Variants in ARAP2 observed in about 807,000 individuals in gnomAD.
The protein encoded by ARAP2 is ArfGAP with RhoGAP domain, ankyrin repeat and PH domain 2.
A neutral mutation model predicts 194.5 loss-of-function variants in ARAP2; 148 were observed. The ratio of observed to expected loss-of-function variants is 0.76; its 90% CI spans 0.67 to 0.87. The LOEUF (loss-of-function observed/expected upper bound fraction) is 0.87, where lower values mean the gene tolerates loss of function less well. Ranked by LOEUF, ARAP2 falls within the 40% of genes least tolerant of loss-of-function variation. ARAP2 has a pLI of 0.00. For missense variants in ARAP2, 2,128 were observed against 1,989.7 expected (o/e 1.07, Z -1.32); for synonymous variants, 695 against 683.5 (o/e 1.02, Z -0.26).
At chr4:36,016,967 A>G (rs1231673896) in intron 6 of ARAP2, among the ~76,000 whole-genome samples, 1 of 152,124 alleles carries the variant, frequency 6.6e-6, no homozygotes, top group Non-Finnish European at 1.5e-5. Flanking sequence ...ACAAGGCCAC[A>G]TTCATTCTGC....
At chr4:36,065,469 T>C (rs185343841), downstream of ARAP2, 347 of 355,314 alleles carry the variant, frequency 9.8e-4, no homozygotes, top group Non-Finnish European at 1.4e-3. Context: ...TGGCCTTTGA[T>C]GGGCTGGCTG....
At chr4:36,094,193 T>C (rs912944499) in intron 27 of ARAP2, among the ~76,000 whole-genome samples, 3 of 152,180 alleles carry the variant, frequency 2.0e-5, no homozygotes, top group Admixed American at 2.0e-4. Flanking sequence ...CATTTTTAAA[T>C]GGTTGAAAAA....
At chr4:36,181,624 C>T (rs1739277958) in intron 8 of ARAP2, among the ~76,000 whole-genome samples, 1 of 152,178 alleles carries the variant, frequency 6.6e-6, no homozygotes, top group Non-Finnish European at 1.5e-5. Flanking sequence ...AATTCCTGAT[C>T]AATATCAGAG....
At chr4:36,088,559 A>T (rs996168643) in intron 28 of ARAP2, among the ~76,000 whole-genome samples, 5 of 152,136 alleles carry the variant, frequency 3.3e-5, no homozygotes, top group African/African-American at 9.7e-5. Context: ...CAAATGCAGT[A>T]TATAATATGA....
At chr4:36,143,175 T>C (rs1446573522) in intron 19 of ARAP2, among the ~76,000 whole-genome samples, 1 of 151,810 alleles carries the variant, frequency 6.6e-6, no homozygotes, top group Non-Finnish European at 1.5e-5. Flanking sequence ...TCAGGGTTCA[T>C]AACCTCACAT....
intron 6 of ARAP2, among the ~76,000 whole-genome samples, chr4:36,200,550 C>T (rs896144256): frequency 1.3e-5 from 2 of 152,204 alleles, no homozygotes; most frequent in Middle Eastern, 3.4e-3. Context: ...CCACCGTGCC[C>T]GGCCTCCTCT....
At chr4:36,179,833 G>A (rs1291475678) in intron 8 of ARAP2, among the ~76,000 whole-genome samples, 1 of 152,296 alleles carries the variant, frequency 6.6e-6, no homozygotes, top group East Asian at 1.9e-4. Context: ...ATTTCATAAT[G>A]AGTCTTTTTC....
intron 6 of ARAP2, among the ~76,000 whole-genome samples, chr4:36,018,259 T>C (rs576809141): frequency 3.2e-4 from 49 of 152,250 alleles, no homozygotes; most frequent in African/African-American, 1.2e-3. Context: ...AGAGTTGGAA[T>C]GGTCTACGCT....
intron 13 of ARAP2, chr4:36,160,077 C>T (rs1454946124): frequency 1.2e-5 from 12 of 988,118 alleles, no homozygotes; most frequent in Non-Finnish European, 1.3e-5. Context: ...TTTGTACAAA[C>T]AATAGGAACT....
intron 1 of ARAP2, among the ~76,000 whole-genome samples, chr4:36,059,345 A>G (rs978429733): frequency 2.0e-5 from 3 of 152,150 alleles, no homozygotes; most frequent in African/African-American, 4.8e-5. Context: ...ATCTTTTGCC[A>G]TAATTCAGAA....
intron 8 of ARAP2, 23 bp downstream of exon 8, chr4:36,187,428 T>C (rs1740819033): frequency 7.7e-7 from 1 of 1,297,330 alleles, no homozygotes. Context: ...ATGTATTTCA[T>C]ATGGATAAAT....
chr4:36,135,451 C>T (rs1279746310), intron 19 of ARAP2, among the ~76,000 whole-genome samples: 1 of 151,724 alleles, frequency 6.6e-6, no homozygotes, highest in Admixed American at 6.6e-5. Context: ...AATACTGGTG[C>T]TTGTAATCTT....
intron 32 of ARAP2, among the ~76,000 whole-genome samples, chr4:36,069,495 G>C (rs181985967): frequency 1.3e-5 from 2 of 151,174 alleles, no homozygotes; most frequent in Admixed American, 6.6e-5. Flanking sequence ...GTATTTTATC[G>C]CAAATGAAGT....
At chr4:36,178,401 C>T (rs1161727101) in intron 8 of ARAP2, among the ~76,000 whole-genome samples, 2 of 152,250 alleles carry the variant, frequency 1.3e-5, no homozygotes, top group African/African-American at 2.4e-5. Context: ...GATATTGCTA[C>T]CCAACAATTA....
At chr4:36,111,995 T>G (rs1033441016) in intron 26 of ARAP2, among the ~76,000 whole-genome samples, 1 of 151,938 alleles carries the variant, frequency 6.6e-6, no homozygotes, top group African/African-American at 2.4e-5. Context: ...TAGAAGCGTG[T>G]AGGAGACAAT....
At chr4:36,088,623 C>T (rs1184602386) in intron 28 of ARAP2, among the ~76,000 whole-genome samples, 1 of 152,074 alleles carries the variant, frequency 6.6e-6, no homozygotes, top group Non-Finnish European at 1.5e-5. Flanking sequence ...CCTGCCTGGA[C>T]ATTCCACTGT....
chr4:36,222,936 T>G (rs1002368691), intron 2 of ARAP2, among the ~76,000 whole-genome samples: 2 of 152,110 alleles, frequency 1.3e-5, no homozygotes, highest in African/African-American at 4.8e-5. Context: ...TACCTCCTTC[T>G]TCCTCATAAA....
rs1718743496 is a variant in ARAP2 at position 36,107,592 on chromosome 4, T to C, written c.4258A>G (p.Thr1420Ala). The C allele has an allele frequency of 6.2e-7, 1 of 1,610,458 alleles. No individual in the cohort carries two copies. Among genetic ancestry groups the C allele is most frequent in the Non-Finnish European group, 8.5e-7 (1 of 1,178,012 alleles). Residue 1420 changes from threonine to alanine, a missense_variant, in exon 27 of 33, where the codon ACC (threonine) becomes GCC (alanine). By Grantham distance (58) the Thr-to-Ala change is moderately conservative. Transcript: ENST00000303965. ...CTGCAGTGTTTAATTGTGTCAGCGG[T>C]TAAGAATCTCTTCACCACCAGGTAA... ...SAYLVVKRFL[T>A]ADTIKHCSDR...
At chr4:36,046,305 A>G (rs1008770750) in intron 4 of ARAP2, among the ~76,000 whole-genome samples, 6 of 152,094 alleles carry the variant, frequency 3.9e-5, no homozygotes, top group Non-Finnish European at 8.8e-5. Flanking sequence ...CAGCCTCTTG[A>G]GTATCTGGGA....
Sources: gnomAD v4.1 joint callset for allele counts (sites outside exome capture counted in the v4.1 genomes callset) on GRCh38, gnomAD v4.1.1 for gene constraint, MANE v1.5 for transcripts, NCBI Gene and HGNC (gene_info 2026-07-23, HGNC 2026-07-21) for gene names.